CHD5: variants seen among roughly 807,000 people sequenced by gnomAD.
CHD5 encodes chromodomain helicase DNA binding protein 5.
A neutral mutation model predicts 230.3 loss-of-function variants in CHD5; 69 were observed. That is an observed-to-expected ratio of 0.30 (90% CI 0.25 to 0.37). The LOEUF (loss-of-function observed/expected upper bound fraction) is 0.37, where lower values mean the gene tolerates loss of function less well. CHD5 is among the 10% of genes least tolerant of loss of function. The probability of loss-of-function intolerance (pLI) is 1.00; values close to 1 mark genes in which losing one functional copy is unlikely to be tolerated. For missense variants in CHD5, 1,827 were observed against 2,622.8 expected (o/e 0.70, Z 6.63); for synonymous variants, 1,064 against 1,065.9 (o/e 1.00, Z 0.03).
intron 3 of CHD5, among the ~76,000 whole-genome samples, chr1:6,156,373 C>G (rs1213953814): frequency 6.6e-6 from 1 of 152,032 alleles, no homozygotes; most frequent in Non-Finnish European, 1.5e-5. Flanking sequence ...CCTGTCTCTA[C>G]TAAAATACAA....
chr1:6,140,442 C>T (rs958950138), intron 15 of CHD5, among the ~76,000 whole-genome samples: 2 of 151,916 alleles, frequency 1.3e-5, no homozygotes, highest in African/African-American at 2.4e-5. Flanking sequence ...TGCAGAGGCT[C>T]GGGCCCCACC....
chr1:6,168,056 A>G, intron 2 of CHD5, 94 bp downstream of exon 2: 1 of 1,415,056 alleles, frequency 7.1e-7, no homozygotes, highest in Non-Finnish European at 9.4e-7. Context: ...CTCAAACTCC[A>G]AGGTCCAGGG....
intron 38 of CHD5, among the ~76,000 whole-genome samples, chr1:6,108,216 A>G: frequency 7.4e-6 from 1 of 135,324 alleles, no homozygotes; most frequent in Non-Finnish European, 1.6e-5. Flanking sequence ...GGGATGATGG[A>G]GAGATGGACG....
intron 3 of CHD5, among the ~76,000 whole-genome samples, chr1:6,158,097 T>C (rs1667108093): frequency 6.6e-6 from 1 of 152,186 alleles, no homozygotes; most frequent in Non-Finnish European, 1.5e-5. Flanking sequence ...GAGCACAGTG[T>C]TCCTGAATGG....
intron 33 of CHD5, among the ~76,000 whole-genome samples, chr1:6,118,558 G>A (rs7349123): frequency 0.18 from 27,230 of 152,084 alleles, 2,730 homozygotes; most frequent in East Asian, 0.41. Flanking sequence ...GCCAGGGGCT[G>A]GGAGGAAGAG....
chr1:6,136,676 G>T, intron 16 of CHD5, 38 bp from the exon 17 acceptor site: 2 of 1,612,494 alleles, frequency 1.2e-6, no homozygotes, highest in Non-Finnish European at 1.7e-6. Flanking sequence ...GGGGGCTCTG[G>T]GCGGCCCCTC....
intron 33 of CHD5, among the ~76,000 whole-genome samples, chr1:6,118,670 G>A (rs1571142654): frequency 6.6e-6 from 1 of 151,816 alleles, no homozygotes; most frequent in African/African-American, 2.4e-5. Flanking sequence ...AACTCTGGAT[G>A]TACTAAAAAT....
Position 6,155,607 on chromosome 1 carries a change from C to T in CHD5, c.498G>A (p.Gln166=). 1.9e-6 allele frequency: 3 copies of T among 1,613,854 alleles called. No homozygotes were observed. Among genetic ancestry groups the T allele is most frequent in the Non-Finnish European group, 1.7e-6 (2 of 1,179,752 alleles). Residue 166 remains glutamine, a synonymous_variant, in exon 4 of 42, where the codon CAG becomes CAA. Coordinates refer to ENST00000262450, the MANE Select transcript of CHD5 (RefSeq NM_015557.3). This position sits in a 1 kb window ranked among gnomAD's most constrained non-coding sequence, Gnocchi z 4.0. ...CCTAGTGCCCCGCCCACCTGAGGAA[C>T]TGGCTGAAGGCCTTGTAGTTGGTCA... ...HTLTNYKAFS[Q]FLRPLIAKKN...
At chr1:6,148,019 C>T (rs945097880) in intron 9 of CHD5, among the ~76,000 whole-genome samples, 1 of 151,728 alleles carries the variant, frequency 6.6e-6, no homozygotes, top group Non-Finnish European at 1.5e-5. Context: ...CAGGGCCTTC[C>T]ATCAATCCTA....
rs190028651 is a variant in CHD5, at chr1:6,131,576, G to C, written c.3262+55C>G. ...GTGACCTGGCTAAGAACCAGGCCTG[G>C]GAGAAGAGGCCAAAAAGGAGTCTCA... is the stretch of plus-strand genomic sequence containing the variant. On this transcript the variant is annotated intron_variant, in intron 21 of 41. Transcript: ENST00000262450. The surrounding 1 kb of genome is among the most constrained non-coding windows in gnomAD (Gnocchi z 5.0). 49 of 1,062,132 alleles carry C rather than the reference G, an allele frequency of 4.6e-5. No individual in the cohort carries two copies. In the African/African-American group the frequency reaches 6.8e-4, roughly 15 times the overall value. The allele number at this position is 1,062,132 out of a possible 1,614,324, so 65.8% of individuals were successfully genotyped here.
chr1:6,106,106 G>A (rs761652982), intron 41 of CHD5, 128 bp downstream of exon 41: 93 of 870,724 alleles, frequency 1.1e-4, no homozygotes, highest in Middle Eastern at 2.8e-4. Flanking sequence ...TCTCAAAGCC[G>A]CCGGAGGCAG....
At chr1:6,111,229 C>CAA (rs1287677359) in intron 36 of CHD5, among the ~76,000 whole-genome samples, 9 of 107,614 alleles carry the variant, frequency 8.4e-5, no homozygotes, top group African/African-American at 2.3e-4. Context: ...GACTCCATCT[C>CAA]AAAAAAAAAA....
intron 2 of CHD5, among the ~76,000 whole-genome samples, chr1:6,161,739 C>T (rs1667180931): frequency 6.6e-6 from 1 of 152,198 alleles, no homozygotes; most frequent in Non-Finnish European, 1.5e-5. Context: ...GACCGCCCTT[C>T]AGGAGATCTG....
At chr1:6,107,172 AGG>A (rs1666193242) in intron 38 of CHD5, among the ~76,000 whole-genome samples, 1 of 101,306 alleles carries the variant, frequency 9.9e-6, no homozygotes, top group Middle Eastern at 9.4e-3. Flanking sequence ...GATGGAGGGA[AGG>A]TGGAGGGATG....
chr1:6,108,401 C>T (rs1196005948), intron 38 of CHD5, among the ~76,000 whole-genome samples: 4 of 80,008 alleles, frequency 5.0e-5, no homozygotes, highest in Admixed American at 1.3e-4. Flanking sequence ...GAGGGATGGA[C>T]GGGTAGAGAG....
intron 2 of CHD5, among the ~76,000 whole-genome samples, chr1:6,162,241 C>A (rs1667190091): frequency 6.6e-6 from 1 of 152,026 alleles, no homozygotes; most frequent in Non-Finnish European, 1.5e-5. Context: ...ACAAAATTAG[C>A]TGGGCATGGT....
Position 6,125,228 on chromosome 1 carries a change from C to T in CHD5, c.4266G>A (p.Leu1422=), listed in dbSNP as rs138172929. The T allele has an allele frequency of 1.9e-6, 3 of 1,602,332 alleles. No homozygotes were observed. The highest frequency in any genetic ancestry group is 2.5e-6 in the Non-Finnish European group (3 of 1,178,656). The change falls in exon 29 of 42, where the codon CTG becomes CTA. Residue 1422 remains leucine (L), a synonymous_variant. Transcript: ENST00000262450. The surrounding 1 kb of genome is among the most constrained non-coding windows in gnomAD (Gnocchi z 6.7). ...CCTTCCGCTGTCGGGCATTGAAGCC[C>T]AGCACCTGGGCGAGTGGAGCGTGGG... ...LARVGGNIEV[L]GFNARQRKAF...
chr1:6,144,553 C>T (rs1163035489), intron 11 of CHD5, among the ~76,000 whole-genome samples: 2 of 152,226 alleles, frequency 1.3e-5, no homozygotes, highest in African/African-American at 4.8e-5. Context: ...TTAAAATACG[C>T]AAAGGACTTG....
intron 38 of CHD5, among the ~76,000 whole-genome samples, chr1:6,107,737 T>TG: frequency 1.3e-5 from 1 of 75,232 alleles, no homozygotes; most frequent in Non-Finnish European, 2.7e-5. Context: ...GGATGAGGGA[T>TG]GATGGATGAT....
Sources: allele counts gnomAD v4.1 joint callset (sites outside exome capture counted in the v4.1 genomes callset), GRCh38; gene constraint gnomAD v4.1.1; non-coding constraint Gnocchi (gnomAD v3.1); transcripts MANE v1.5; gene names NCBI Gene and HGNC (gene_info 2026-07-23, HGNC 2026-07-21).